The following FBXO11 variants were observed in gnomAD, a reference collection of about 807,000 sequenced individuals.
The protein encoded by FBXO11 is F-box only protein 11.
In FBXO11, 13 loss-of-function variants were observed where a neutral mutation model predicts 117.0. The observed-to-expected ratio is 0.11, with a 90% confidence interval of 0.07 to 0.18. The LOEUF is 0.18. Among genes scored for constraint, FBXO11 ranks in the 10% least tolerant of loss-of-function variants. The pLI is 1.00. For synonymous variants in FBXO11, 490 were observed against 380.5 expected, an observed-to-expected ratio of 1.29 and a Z score of -3.35; for missense variants, 767 against 1,164.4, an observed-to-expected ratio of 0.66 and a Z score of 4.97.
At chr2:47,896,717 A>C (rs1163037338) in intron 1 of FBXO11, among the ~76,000 whole-genome samples, 1 of 152,216 alleles carries the variant, frequency 6.6e-6, no homozygotes, top group Non-Finnish European at 1.5e-5. Context: ...TTAAAAATGC[A>C]AATGTCTTTC....
At chr2:47,886,066 T>C (rs1676818830) in intron 1 of FBXO11, among the ~76,000 whole-genome samples, 1 of 148,736 alleles carries the variant, frequency 6.7e-6, no homozygotes, top group Non-Finnish European at 1.5e-5. Flanking sequence ...AAAACAAATT[T>C]GGCAACATTT....
intron 1 of FBXO11, among the ~76,000 whole-genome samples, chr2:47,867,322 C>T (rs1675271006): frequency 6.6e-6 from 1 of 152,162 alleles, no homozygotes; most frequent in Non-Finnish European, 1.5e-5. Flanking sequence ...GCTTATGGAG[C>T]AGCTATTCTT....
intron 4 of FBXO11, among the ~76,000 whole-genome samples, chr2:47,837,616 A>G (rs1185786032): frequency 1.3e-5 from 2 of 152,264 alleles, no homozygotes; most frequent in Non-Finnish European, 2.9e-5. Flanking sequence ...AAAGAAGTGT[A>G]AAGAACTATA....
chr2:47,903,455 G>A (rs1254089079), intron 1 of FBXO11, among the ~76,000 whole-genome samples: 1 of 152,158 alleles, frequency 6.6e-6, no homozygotes, highest in East Asian at 1.9e-4. Context: ...GAAGAAAATT[G>A]ACACTGGCAT....
chr2:47,833,978 T>G lies in FBXO11; in HGVS notation c.934+601A>C, dbSNP rs191100050. On this transcript the variant is annotated intron_variant, in intron 7 of 22. Coordinates refer to ENST00000403359, the MANE Select transcript of FBXO11 (RefSeq NM_001190274.2). ...CCACCACACCTGGCTGCATCTTTAT[T>G]TTCAAATAAAAGATGAAAAAGCTAT... Among the ~76,000 whole-genome samples, 494 of 152,296 alleles carry G rather than the reference T, an allele frequency of 3.2e-3. 5 individuals are homozygous for G. The highest frequency in any genetic ancestry group is 0.01 in the African/African-American group (431 of 41,556).
At chr2:47,826,316 CA>C (rs1671753757) in intron 11 of FBXO11, among the ~76,000 whole-genome samples, 1 of 152,154 alleles carries the variant, frequency 6.6e-6, no homozygotes, top group South Asian at 2.1e-4. Flanking sequence ...CTCGGCCTCC[CA>C]AAGTGCTGGG....
chr2:47,846,715 T>C (rs1572836207), intron 1 of FBXO11, among the ~76,000 whole-genome samples: 1 of 151,894 alleles, frequency 6.6e-6, no homozygotes, highest in Non-Finnish European at 1.5e-5. Context: ...AATTTTAATA[T>C]ACTTAACATA....
intron 1 of FBXO11, among the ~76,000 whole-genome samples, chr2:47,866,488 CTTTT>C (rs1197947912): frequency 7.9e-6 from 1 of 126,398 alleles, no homozygotes; most frequent in African/African-American, 3.0e-5. Flanking sequence ...TTTTTTTTTT[CTTTT>C]GAGACGGAGT....
intron 1 of FBXO11, among the ~76,000 whole-genome samples, chr2:47,845,515 A>T (rs911000370): frequency 2.0e-5 from 3 of 152,184 alleles, no homozygotes; most frequent in Non-Finnish European, 4.4e-5. Context: ...CTGGGAAGAT[A>T]AGTTGGCTAC....
chr2:47,831,751 A>AT (rs1238876547), intron 11 of FBXO11, among the ~76,000 whole-genome samples: 42 of 152,218 alleles, frequency 2.8e-4, no homozygotes, highest in African/African-American at 9.9e-4. Context: ...ATGTAAAACT[A>AT]TAAGGTAATA....
rs573213171 is a variant in FBXO11 at position 47,900,631 on chromosome 2, C to T, written c.232+4858G>A. On this transcript the variant is annotated intron_variant, in intron 1 of 22. Transcript: ENST00000403359. ...ACACACGTATATACACACGTATACA[C>T]ACACGTACGTATATACACACGTATA... 1.0e-4 allele frequency among the ~76,000 whole-genome samples: 3 copies of T among 29,344 alleles called. 1 individual carries two copies. The highest frequency in any genetic ancestry group is 2.6e-3 in the East Asian group (2 of 760). The allele number at this position is 29,344 out of a possible 152,430, so 19.3% of individuals were successfully genotyped here. A position where few individuals can be genotyped will look rare whatever the true frequency, so the allele number is the denominator to read the frequency against.
intron 16 of FBXO11, among the ~76,000 whole-genome samples, chr2:47,818,100 A>C (rs1422407295): frequency 6.6e-6 from 1 of 152,248 alleles, no homozygotes; most frequent in Non-Finnish European, 1.5e-5. Flanking sequence ...GGGCAACAAG[A>C]GTGAAACTCC....
Position 47,835,958 on chromosome 2 carries a change from T to C in FBXO11, c.631A>G (p.Met211Val), listed in dbSNP as rs774900191. The C allele has an allele frequency of 6.2e-7, 1 of 1,611,166 alleles. No homozygotes were observed. Among genetic ancestry groups the C allele is most frequent in the African/African-American group, 1.3e-5 (1 of 74,898 alleles). Residue 211 changes from methionine (M) to valine (V), a missense_variant, in exon 5 of 23, where the codon ATG becomes GTG. Physicochemically the swap from Met to Val is conservative, Grantham distance 21 (BLOSUM62 1). This residue lies in a region of FBXO11 where 355 missense variants were observed against 299.8 expected (regional missense o/e 1.18). Transcript: ENST00000403359. ...TAGAATTTTCCAGGTTCAGGATGCA[T>C]CATAGGGCGAGTATATTCAAATACT... ...MEVFEYTRPM[M>V]HPEPGKFYQI...
rs1427571382 is a variant in FBXO11, at chr2:47,822,121, G to T, written c.1702+97C>A. On this transcript the variant is annotated intron_variant, in intron 13 of 22. Transcript: ENST00000403359. ...AAAAAAATTAAAGAGCTGGATCAGT[G>T]CTTCCACTTGGGTAGTTTCAAAATG... 4.9e-6 allele frequency: 4 copies of T among 808,190 alleles called. No individual in the cohort carries two copies. In the African/African-American group the frequency reaches 5.4e-5, roughly 11 times the overall value. The allele number at this position is 808,190 out of a possible 1,614,324, so 50.1% of individuals were successfully genotyped here. A position where few individuals can be genotyped will look rare whatever the true frequency, so the allele number is the denominator to read the frequency against.
intron 13 of FBXO11, among the ~76,000 whole-genome samples, chr2:47,820,794 C>A (rs1456868631): frequency 2.6e-5 from 4 of 152,144 alleles, no homozygotes; most frequent in Admixed American, 6.5e-5. Flanking sequence ...ATGGTATCTA[C>A]CTCACAGTGT....
chr2:47,880,701 C>A (rs1676367119), intron 1 of FBXO11, among the ~76,000 whole-genome samples: 1 of 152,106 alleles, frequency 6.6e-6, no homozygotes, highest in South Asian at 2.1e-4. Flanking sequence ...TTCATTGTAT[C>A]CTTTAAGAAA....
At chr2:47,857,271 T>C (rs1043301862) in intron 1 of FBXO11, among the ~76,000 whole-genome samples, 10 of 152,182 alleles carry the variant, frequency 6.6e-5, no homozygotes, top group Non-Finnish European at 1.3e-4. Context: ...CAGCCATTAA[T>C]GAGCAAGAAG....
intron 1 of FBXO11, chr2:47,888,657 T>G (rs1677043558): frequency 1.0e-6 from 1 of 982,670 alleles, no homozygotes; most frequent in Non-Finnish European, 1.2e-6. Flanking sequence ...GAATAACACT[T>G]AAAATTTCCT....
intron 1 of FBXO11, among the ~76,000 whole-genome samples, chr2:47,873,090 A>C (rs1675742808): frequency 6.6e-6 from 1 of 152,156 alleles, no homozygotes. Flanking sequence ...ACTACTGGTA[A>C]GTCTATGGAT....
Sources: allele counts gnomAD v4.1 joint callset (sites outside exome capture counted in the v4.1 genomes callset), GRCh38; gene constraint gnomAD v4.1.1; regional missense constraint gnomAD v4.1.1; transcripts MANE v1.5; gene names NCBI Gene and HGNC (gene_info 2026-07-23, HGNC 2026-07-21).